Variants in ZNF148 observed in about 807,000 individuals in gnomAD.
ZNF148 encodes the protein Beta-Enolase Repressor Factor-1.
In ZNF148, 7 loss-of-function variants were observed where a neutral mutation model predicts 67.7. The observed-to-expected ratio is 0.10, with a 90% CI of 0.06 to 0.19. ZNF148 has a LOEUF of 0.19. Among genes scored for constraint, ZNF148 ranks in the 10% least tolerant of loss-of-function variants. The probability of loss-of-function intolerance (pLI) is 1.00; values close to 1 mark genes in which losing one functional copy is unlikely to be tolerated. For missense variants in ZNF148, 583 were observed against 947.1 expected (o/e 0.62, Z 5.05); for synonymous variants, 333 against 330.7 (o/e 1.01, Z -0.08).
At chr3:125,280,705 T>A (rs1579694167) in intron 5 of ZNF148, among the ~76,000 whole-genome samples, 2 of 133,770 alleles carry the variant, frequency 1.5e-5, no homozygotes. Context: ...TTGCCTTTCA[T>A]CAGACATGTG....
intron 7 of ZNF148, among the ~76,000 whole-genome samples, chr3:125,251,103 C>A (rs983269986): frequency 2.6e-5 from 4 of 152,122 alleles, no homozygotes; most frequent in African/African-American, 9.7e-5. Flanking sequence ...GTAAATAAAT[C>A]ATAATCATAG....
chr3:125,343,091 A>G (rs1941798471), intron 1 of ZNF148, among the ~76,000 whole-genome samples: 1 of 152,204 alleles, frequency 6.6e-6, no homozygotes, highest in African/African-American at 2.4e-5. Flanking sequence ...GAAATGTAAC[A>G]ATTTCTGTAG....
chr3:125,312,299 C>A (rs1054640145), intron 4 of ZNF148, among the ~76,000 whole-genome samples: 3 of 152,282 alleles, frequency 2.0e-5, no homozygotes, highest in Middle Eastern at 3.4e-3. Context: ...CTAATGTAAT[C>A]CATTACATCA....
intron 7 of ZNF148, among the ~76,000 whole-genome samples, chr3:125,255,124 C>T (rs570000868): frequency 2.6e-5 from 4 of 151,110 alleles, no homozygotes; most frequent in Non-Finnish European, 4.4e-5. Context: ...ATTGGTGTTA[C>T]ACATTTTCAG....
In ZNF148 at chr3:125,227,903, ATGTG is replaced by A. The variant is rs1358142104; in HGVS notation, c.*4434_*4437del. On this transcript the variant is annotated 3_prime_UTR_variant, in exon 9 of 9. Coordinates refer to ENST00000360647, the MANE Select transcript of ZNF148 (RefSeq NM_021964.3). ...TGGCGGTTTTATTTCTAAAGCAGTG[ATGTG>A]TGTGTTCAAATAGCTGTCCTGTACA... 2 of 152,588 alleles carry A rather than the reference ATGTG, an allele frequency of 1.3e-5. No individual in the cohort carries two copies. Among genetic ancestry groups the A allele is most frequent in the Non-Finnish European group, 2.9e-5 (2 of 68,026 alleles). 9.5% of individuals were successfully genotyped at this position (152,588 alleles called of 1,614,324 possible).
Position 125,232,603 on chromosome 3 carries a change from T to C in ZNF148, c.2123A>G (p.Gln708Arg). ...CTCAGCTTTCTTCTGAGAAGTCACT[T>C]GATCCAGAAAGTCCTGTGTTGATGT... ...SATSTQDFLD[Q>R]VTSQKKAEAQ... is the part of the protein sequence containing the mutation. The change falls in exon 9 of 9, where the codon CAA (glutamine) becomes CGA (arginine). Residue 708 changes from glutamine to arginine, a missense_variant. By Grantham distance (43) the Gln-to-Arg change is conservative (BLOSUM62 1). This residue lies in a region of ZNF148 where 158 missense variants were observed against 208.4 expected (regional missense o/e 0.76). Coordinates refer to ENST00000360647, the MANE Select transcript of ZNF148 (RefSeq NM_021964.3). The surrounding 1 kb of genome is among the most constrained non-coding windows in gnomAD (Gnocchi z 4.2). The C allele has an allele frequency of 6.2e-7, 1 of 1,613,806 alleles. No individual in the cohort carries two copies. The highest frequency in any genetic ancestry group is 1.7e-5 in the Admixed American group (1 of 59,994).
intron 4 of ZNF148, among the ~76,000 whole-genome samples, chr3:125,308,595 A>G (rs72973863): frequency 0.068 from 10,354 of 151,834 alleles, 1,190 homozygotes; most frequent in African/African-American, 0.24. Context: ...AGGACCTAAC[A>G]TAGTCACTAC....
chr3:125,246,532 C>T (rs1936606446), intron 7 of ZNF148, among the ~76,000 whole-genome samples: 1 of 151,804 alleles, frequency 6.6e-6, no homozygotes, highest in South Asian at 2.1e-4. Flanking sequence ...ATAGAATATA[C>T]CTCAGAGCCA....
chr3:125,303,405 G>C (rs1939704359), intron 4 of ZNF148, among the ~76,000 whole-genome samples: 1 of 152,174 alleles, frequency 6.6e-6, no homozygotes, highest in Admixed American at 6.5e-5. Flanking sequence ...CAGGAGGTGA[G>C]CGGCCAGTGA....
intron 4 of ZNF148, among the ~76,000 whole-genome samples, chr3:125,300,213 G>A (rs1939513309): frequency 6.6e-6 from 1 of 152,018 alleles, no homozygotes; most frequent in Non-Finnish European, 1.5e-5. Context: ...CTCAAATGAT[G>A]TGCCCACCTC....
chr3:125,239,085 T>C (rs1936228687), intron 7 of ZNF148, among the ~76,000 whole-genome samples: 1 of 152,160 alleles, frequency 6.6e-6, no homozygotes, highest in African/African-American at 2.4e-5. Flanking sequence ...AGTAGAACAG[T>C]GGTTATCAGG....
chr3:125,247,585 G>A (rs925720277), intron 7 of ZNF148, among the ~76,000 whole-genome samples: 1 of 151,896 alleles, frequency 6.6e-6, no homozygotes, highest in Non-Finnish European at 1.5e-5. Context: ...TTACAGGGAC[G>A]TACCACCAGG....
intron 7 of ZNF148, among the ~76,000 whole-genome samples, chr3:125,274,030 A>C (rs1937908322): frequency 6.6e-6 from 1 of 152,190 alleles, no homozygotes; most frequent in South Asian, 2.1e-4. Context: ...CTTAGAGTAA[A>C]ATGCTCACGG....
chr3:125,279,540 T>C (rs1938263485), intron 5 of ZNF148, among the ~76,000 whole-genome samples: 1 of 152,116 alleles, frequency 6.6e-6, no homozygotes, highest in Non-Finnish European at 1.5e-5. Context: ...TCCTAAGTCT[T>C]CAGTTAGGGT....
At position 125,337,453 on chromosome 3, in the gene ZNF148, T is replaced by A. The variant is rs375129886; in HGVS notation, c.-233-6215A>T. Among the ~76,000 whole-genome samples the A allele has an allele frequency of 3.3e-5, 5 of 152,018 alleles. No homozygotes were observed. The South Asian group carries it at 6.2e-4, about 19-fold the overall frequency. Reference sequence around the variant, plus strand: ...TCCTTCCCCAGATAATGTAAATGAGTTTTTAAGGTTAGTAAGCCACCAAAC... The same window carrying A: ...TCCTTCCCCAGATAATGTAAATGAGATTTTAAGGTTAGTAAGCCACCAAAC... On this transcript the variant is annotated intron_variant, in intron 1 of 8. Coordinates refer to ENST00000360647, the MANE Select transcript of ZNF148 (RefSeq NM_021964.3).
intron 5 of ZNF148, among the ~76,000 whole-genome samples, chr3:125,282,608 GA>G (rs935209890): frequency 6.6e-6 from 1 of 151,952 alleles, no homozygotes; most frequent in African/African-American, 2.4e-5. Flanking sequence ...AGACTTTATA[GA>G]AAAAAATTGA....
At chr3:125,358,465 G>T (rs1473241895) in intron 1 of ZNF148, among the ~76,000 whole-genome samples, 3 of 151,888 alleles carry the variant, frequency 2.0e-5, no homozygotes, top group Admixed American at 2.0e-4. Context: ...CGTTTTTCTT[G>T]TCTGTTCTCA....
At chr3:125,326,659 C>CTA (rs554280532) in intron 2 of ZNF148, among the ~76,000 whole-genome samples, 40 of 145,720 alleles carry the variant, frequency 2.7e-4, no homozygotes, top group African/African-American at 9.9e-4. Flanking sequence ...TGAAATGACA[C>CTA]TATATATATG....
chr3:125,247,309 G>C (rs113349254), intron 7 of ZNF148, among the ~76,000 whole-genome samples: 38 of 152,174 alleles, frequency 2.5e-4, no homozygotes, highest in Admixed American at 7.8e-4. Context: ...TCCCCAAAAA[G>C]AAAGTTTAAA....
Sources: allele counts gnomAD v4.1 joint callset (sites outside exome capture counted in the v4.1 genomes callset), GRCh38; gene constraint gnomAD v4.1.1; regional missense constraint gnomAD v4.1.1; non-coding constraint Gnocchi (gnomAD v3.1); transcripts MANE v1.5; gene names NCBI Gene and HGNC (gene_info 2026-07-23, HGNC 2026-07-21).